Variants in CIT observed in about 807,000 individuals in gnomAD.
CIT encodes citron rho-interacting serine/threonine kinase, also known as citron Rho-interacting kinase.
In CIT, 79 loss-of-function variants were observed where a neutral mutation model predicts 272.7. The ratio of observed to expected loss-of-function variants is 0.29; its 90% CI spans 0.24 to 0.35. The LOEUF is 0.35. Among genes scored for constraint, CIT ranks in the 10% least tolerant of loss-of-function variants. The pLI is 1.00. For missense variants in CIT, 1,909 were observed against 2,618.3 expected (o/e 0.73, Z 5.91); for synonymous variants, 948 against 995.6 (o/e 0.95, Z 0.90).
At position 119,718,329 on chromosome 12, in the gene CIT, C is replaced by T. The variant is rs560283459; in HGVS notation, c.4084G>A (p.Val1362Met). Residue 1362 changes from valine to methionine, a missense_variant, in exon 32 of 48, where the codon GTG (valine) becomes ATG (methionine). This residue lies in a region of CIT where 780 missense variants were observed against 1,067.2 expected (regional missense o/e 0.73). Coordinates refer to ENST00000392521, the MANE Select transcript of CIT (RefSeq NM_001206999.2). The surrounding 1 kb of genome is among the most constrained non-coding windows in gnomAD (Gnocchi z 4.8). ...CTGGGCTGGTGCTCTGGCGACCGCACGATGGCGGACATGGCGATCTGCTGC... is the reference window on the plus strand; with the variant it reads ...CTGGGCTGGTGCTCTGGCGACCGCATGATGGCGGACATGGCGATCTGCTGC... The part of the protein sequence containing the change: ...ARQQIAMSAI[V>M]RSPEHQPSAM... 18 of 1,613,992 alleles carry T rather than the reference C, an allele frequency of 1.1e-5. No homozygotes were observed. Among genetic ancestry groups the T allele is most frequent in the East Asian group, 6.7e-5 (3 of 44,874 alleles).
chr12:119,829,401 G>GAAGAGAAGAGAA (rs1173689452), intron 7 of CIT, among the ~76,000 whole-genome samples: 8 of 137,610 alleles, frequency 5.8e-5, no homozygotes, highest in African/African-American at 2.0e-4. Context: ...GAAGAGAAGA[G>GAAGAGAAGAGAA]AAGAGCTTAC....
chr12:119,708,696 G>A (rs1957002494), intron 39 of CIT, among the ~76,000 whole-genome samples: 1 of 151,944 alleles, frequency 6.6e-6, no homozygotes, highest in South Asian at 2.1e-4. Context: ...CGCCATGTTG[G>A]TCAGGCTGGT....
intron 13 of CIT, among the ~76,000 whole-genome samples, chr12:119,779,777 T>A (rs1024999454): frequency 1.3e-5 from 2 of 152,108 alleles, no homozygotes; most frequent in Non-Finnish European, 2.9e-5. Flanking sequence ...CTCTGTCAGC[T>A]CTCCAAGCTC....
intron 28 of CIT, among the ~76,000 whole-genome samples, chr12:119,724,930 CAAAAAAAAAAAAAAAAAA>C (rs35757526): frequency 0.16 from 7,368 of 44,858 alleles, 325 homozygotes; most frequent in African/African-American, 0.28. Flanking sequence ...GACTCCATCT[CAAAAAAAAAAAAAAAAAA>C]AAAAAAAAAG....
intron 40 of CIT, among the ~76,000 whole-genome samples, chr12:119,707,099 G>A (rs1314009188): frequency 6.6e-6 from 1 of 152,124 alleles, no homozygotes; most frequent in Non-Finnish European, 1.5e-5. Context: ...TTCTAGTAAT[G>A]AAACATACTT....
intron 4 of CIT, among the ~76,000 whole-genome samples, chr12:119,856,530 T>C (rs1950174726): frequency 6.6e-6 from 1 of 151,982 alleles, no homozygotes; most frequent in Non-Finnish European, 1.5e-5. Context: ...CAGTCTGTTC[T>C]GAACCACTGA....
At chr12:119,775,737 G>C in intron 16 of CIT, 49 bp downstream of exon 16, 1 of 1,418,728 alleles carries the variant, frequency 7.0e-7, no homozygotes, top group Non-Finnish European at 1.0e-6. Context: ...AAGATGTTTG[G>C]AAAGGAGGTG....
At chr12:119,746,884 C>T (rs1444998416) in intron 23 of CIT, among the ~76,000 whole-genome samples, 3 of 152,146 alleles carry the variant, frequency 2.0e-5, no homozygotes, top group African/African-American at 4.8e-5. Flanking sequence ...AAGTCATATG[C>T]TTTATGTTTT....
intron 26 of CIT, among the ~76,000 whole-genome samples, chr12:119,731,337 A>G (rs1389446157): frequency 6.7e-6 from 1 of 150,162 alleles, no homozygotes; most frequent in African/African-American, 2.5e-5. Flanking sequence ...TTAGCCAGGC[A>G]TAGTGGCGCA....
At chr12:119,848,397 GT>G (rs1174793346) in intron 5 of CIT, among the ~76,000 whole-genome samples, 1 of 152,178 alleles carries the variant, frequency 6.6e-6, no homozygotes, top group Admixed American at 6.5e-5. Context: ...ACGTGAGCCT[GT>G]TTATCTCCAT....
At position 119,752,166 on chromosome 12, in the gene CIT, A is replaced by T. The variant is rs1960348467; in HGVS notation, c.2788T>A (p.Ser930Thr). 1 of 1,612,492 alleles carries T rather than the reference A, an allele frequency of 6.2e-7. No homozygotes were observed. The highest frequency in any genetic ancestry group is 1.7e-5 in the Admixed American group (1 of 59,992). ...GCAGCCTGCAGGGCTGTCAACTGTG[A>T]CTCGCGCTCCTGCAGGGAGAGCTGT... is the stretch of plus-strand genomic sequence containing the variant. ...ELQLSLQERE[S>T]QLTALQAARA... Residue 930 changes from serine (S) to threonine (T), a missense_variant, in exon 23 of 48, where the codon TCA (serine) becomes ACA (threonine). Ser to Thr is a moderately conservative substitution (Grantham distance 58). Around this residue, in one of 8 missense-constraint regions of CIT, gnomAD observed 530 missense variants for 822.4 expected, o/e 0.64. Transcript: ENST00000392521.
intron 3 of CIT, among the ~76,000 whole-genome samples, chr12:119,865,963 A>ACATATG (rs1324383849): frequency 4.6e-5 from 7 of 151,492 alleles, no homozygotes; most frequent in Non-Finnish European, 1.5e-5. Flanking sequence ...ACTATAGTGA[A>ACATATG]CATATGCTGA....
chr12:119,772,660 G>A (rs1308650986), intron 17 of CIT, 110 bp downstream of exon 17: 21 of 1,255,534 alleles, frequency 1.7e-5, no homozygotes, highest in Non-Finnish European at 2.1e-5. Context: ...TCTTCAGAAG[G>A]GAAAGCAGCT....
chr12:119,840,967 T>C (rs1451103092), intron 5 of CIT, among the ~76,000 whole-genome samples: 2 of 152,100 alleles, frequency 1.3e-5, no homozygotes, highest in East Asian at 1.9e-4. Context: ...TGTTCCTATA[T>C]AGGAAACAAA....
At chr12:119,763,158 A>T (rs997816779) in intron 19 of CIT, among the ~76,000 whole-genome samples, 3 of 152,194 alleles carry the variant, frequency 2.0e-5, no homozygotes, top group Non-Finnish European at 2.9e-5. Context: ...CAAAATGTTT[A>T]TTTGAAATAA....
chr12:119,842,889 A>G (rs1023307762), intron 5 of CIT, among the ~76,000 whole-genome samples: 1 of 152,226 alleles, frequency 6.6e-6, no homozygotes, highest in African/African-American at 2.4e-5. Flanking sequence ...TCACACATTC[A>G]TCCAATAAAT....
At chr12:119,742,614 T>C in intron 23 of CIT, 150 bp from the exon 24 acceptor site, 1 of 560,128 alleles carries the variant, frequency 1.8e-6, no homozygotes, top group Non-Finnish European at 3.1e-6. Context: ...AATCAAATCA[T>C]CCCCAACACC....
chr12:119,810,709 A>G (rs1966840058), intron 9 of CIT, among the ~76,000 whole-genome samples: 1 of 144,106 alleles, frequency 6.9e-6, no homozygotes, highest in South Asian at 2.4e-4. Flanking sequence ...CATCTCAGAA[A>G]AAAAAAAAAA....
intron 10 of CIT, among the ~76,000 whole-genome samples, chr12:119,793,249 T>C (rs552863605): frequency 2.6e-5 from 4 of 152,322 alleles, no homozygotes; most frequent in Admixed American, 6.5e-5. Flanking sequence ...AATATGTAGC[T>C]CCAGAATCAT....
Sources: gnomAD v4.1 joint callset for allele counts (sites outside exome capture counted in the v4.1 genomes callset) on GRCh38, gnomAD v4.1.1 for gene constraint, gnomAD v4.1.1 regional missense constraint, Gnocchi (gnomAD v3.1) non-coding constraint, MANE v1.5 for transcripts, NCBI Gene and HGNC (gene_info 2026-07-23, HGNC 2026-07-21) for gene names.